Variants in FAM90A20 observed in about 807,000 individuals in gnomAD.
The protein encoded by FAM90A20 is family with sequence similarity 90 member A20.
At chr8:7,295,823 A>G in the FAM90A20 span, 1 of 941,806 alleles carries the variant, frequency 1.1e-6, no homozygotes, top group Non-Finnish European at 1.6e-6. Context: ...GAAGGAAGAG[A>G]GACCAAGGTG....
the FAM90A20 span, chr8:7,296,537 C>A: frequency 1.6e-6 from 1 of 618,422 alleles, no homozygotes; most frequent in South Asian, 1.6e-5. Context: ...ACGATCCTTG[C>A]AGGTCAGTTT....
chr8:7,297,387 C>T, the FAM90A20 span: 107 of 1,517,080 alleles, frequency 7.1e-5, 11 homozygotes, highest in Middle Eastern at 4.6e-4. Flanking sequence ...CTGCTCCAGG[C>T]CGTCAGAACC....
At chr8:7,297,128 G>C in the FAM90A20 span, 3 of 1,515,822 alleles carry the variant, frequency 2.0e-6, no homozygotes, top group East Asian at 2.2e-5. Context: ...TGTCCTCTCT[G>C]GTCGCTCAGC....
chr8:7,297,501 A>G, the FAM90A20 span: 11 of 1,518,420 alleles, frequency 7.2e-6, 2 homozygotes, highest in East Asian at 1.3e-4. Context: ...TCAGGAGCCA[A>G]GAGACCTGCC....
the FAM90A20 span, chr8:7,295,648 C>T: frequency 7.3e-6 from 5 of 685,340 alleles, no homozygotes; most frequent in African/African-American, 6.6e-5. Flanking sequence ...GCAAAAACTG[C>T]GGGGCCTTTG....
chr8:7,296,788 T>G, the FAM90A20 span, among the ~76,000 whole-genome samples: 3 of 136,094 alleles, frequency 2.2e-5, 1 homozygote, highest in Admixed American at 1.4e-4. Flanking sequence ...CATGGAAGGC[T>G]GAGTGGAGGC....
the FAM90A20 span, chr8:7,297,438 G>C: frequency 6.4e-7 from 1 of 1,555,554 alleles, no homozygotes; most frequent in Non-Finnish European, 8.7e-7. Flanking sequence ...TCACAGCCCT[G>C]CCCATCAGCC....
the FAM90A20 span, chr8:7,297,399 A>C: frequency 6.5e-7 from 1 of 1,536,996 alleles, no homozygotes; most frequent in East Asian, 2.2e-5. Flanking sequence ...GTCAGAACCC[A>C]GGCACAAGAC....
At chr8:7,297,241 A>G in the FAM90A20 span, 8 of 1,490,652 alleles carry the variant, frequency 5.4e-6, 1 homozygote, top group South Asian at 5.7e-5. Flanking sequence ...AAAGACAGAC[A>G]GGGGCTGCCG....
chr8:7,297,364 C>T, the FAM90A20 span: 4 of 1,472,472 alleles, frequency 2.7e-6, no homozygotes, highest in East Asian at 2.3e-5. Flanking sequence ...AGGCTGCCTC[C>T]AAAACCCACG....
chr8:7,296,497 C>G, the FAM90A20 span: 8 of 650,466 alleles, frequency 1.2e-5, 1 homozygote, highest in South Asian at 3.0e-5. Context: ...GGGAACCCCT[C>G]TTTCTTGTCT....
chr8:7,297,425 A>T, the FAM90A20 span: 1 of 1,554,310 alleles, frequency 6.4e-7, no homozygotes, highest in Non-Finnish European at 8.7e-7. Context: ...TCCTGCGGTG[A>T]CCTCACAGCC....
the FAM90A20 span, chr8:7,297,659 A>C: frequency 7.2e-7 from 1 of 1,387,434 alleles, no homozygotes; most frequent in East Asian, 2.3e-5. Context: ...TGGACCAAGT[A>C]GGTCGCCCCA....
the FAM90A20 span, chr8:7,297,506 C>T: frequency 2.0e-6 from 3 of 1,513,650 alleles, no homozygotes; most frequent in Non-Finnish European, 8.9e-7. Context: ...AGCCAAGAGA[C>T]CTGCCCAGGC....
chr8:7,296,574 G>T, the FAM90A20 span, among the ~76,000 whole-genome samples: 14 of 135,732 alleles, frequency 1.0e-4, 2 homozygotes, highest in South Asian at 2.4e-3. Flanking sequence ...ATCTGAAGAT[G>T]CCGTATTTCC....
chr8:7,297,047 T>C, the FAM90A20 span: 2 of 1,483,850 alleles, frequency 1.3e-6, 1 homozygote, highest in Non-Finnish European at 1.8e-6. Context: ...ACCTGTGTTG[T>C]TTCCTCTCTT....
the FAM90A20 span, chr8:7,297,109 C>G: frequency 1.3e-6 from 2 of 1,503,258 alleles, no homozygotes; most frequent in East Asian, 2.3e-5. Context: ...AGAGGCCGCG[C>G]ATGGACCCTG....
At chr8:7,297,681 G>C in the FAM90A20 span, 1 of 1,398,476 alleles carries the variant, frequency 7.2e-7, no homozygotes, top group African/African-American at 2.1e-5. Flanking sequence ...ATGGGCAGGA[G>C]GACACCGGCC....
At chr8:7,296,773 C>T in the FAM90A20 span, among the ~76,000 whole-genome samples, 192 of 136,164 alleles carry the variant, frequency 1.4e-3, 16 homozygotes, top group Middle Eastern at 0.014. Flanking sequence ...TAGTCCGTTC[C>T]ACTTCATGGA....
Sources: gnomAD v4.1 joint callset for allele counts (sites outside exome capture counted in the v4.1 genomes callset) on GRCh38, gnomAD v4.1.1 for gene constraint, MANE v1.5 for transcripts, NCBI Gene and HGNC (gene_info 2026-07-23, HGNC 2026-07-21) for gene names.